MTMR14: variants seen among roughly 807,000 people sequenced by gnomAD.
MTMR14 encodes myotubularin related protein 14.
A neutral mutation model predicts 86.3 loss-of-function variants in MTMR14; 48 were observed. The ratio of observed to expected loss-of-function variants is 0.56; its 90% CI spans 0.44 to 0.71. The LOEUF (loss-of-function observed/expected upper bound fraction) is 0.71. Among genes scored for constraint, MTMR14 ranks in the 30% least tolerant of loss-of-function variants. The pLI, the probability that MTMR14 is intolerant of heterozygous loss-of-function variation, is 0.00. For missense variants in MTMR14, 780 were observed against 834.6 expected, an observed-to-expected ratio of 0.93 and a Z score of 0.81; for synonymous variants, 366 against 326.1, an observed-to-expected ratio of 1.12 and a Z score of -1.32.
chr3:9,690,133 C>A lies in MTMR14; in HGVS notation c.1603C>A (p.Pro535Thr), dbSNP rs1171277331. Residue 535 changes from proline to threonine, a missense_variant, in exon 17 of 19, where the codon CCC becomes ACC. Transcript: ENST00000296003. ...GATGGGTAGCAGTCCCCTGGAGGTC[C>A]CCAAACCCAGGTGAGGAGCTCCAAA... ...FRMGSSPLEVPKPRSVDHPLP... is the reference protein window; with the variant it reads ...FRMGSSPLEVTKPRSVDHPLP... The A allele has an allele frequency of 6.2e-7, 1 of 1,613,680 alleles. No individual in the cohort carries two copies. The highest frequency in any genetic ancestry group is 8.5e-7 in the Non-Finnish European group (1 of 1,180,000).
rs763387996 is a variant in MTMR14 at position 9,684,596 on chromosome 3, C to T, written c.976C>T (p.Leu326=). The change falls in exon 11 of 19, where the codon CTG becomes TTG. Residue 326 remains leucine, a synonymous_variant. Transcript: ENST00000296003. ...SLVNSDDDSG[L]LVHCISGWDR... ...CGGTTCCTGAGTAGATGACAGCGGG[C>T]TGCTGGTACACTGTATCTCAGGCTG... 1.6e-5 allele frequency: 26 copies of T among 1,614,126 alleles called. No homozygotes were observed. The highest frequency in any genetic ancestry group is 2.1e-5 in the Non-Finnish European group (25 of 1,180,002).
rs370972230 is a variant in MTMR14 at position 9,685,265 on chromosome 3, G to A, written c.1164+18G>A. 22 of 1,613,748 alleles carry A rather than the reference G, an allele frequency of 1.4e-5. No homozygotes were observed. Among genetic ancestry groups the A allele is most frequent in the Middle Eastern group, 1.7e-4 (1 of 5,996 alleles). On this transcript the variant is annotated intron_variant, in intron 13 of 18. Coordinates refer to ENST00000296003, the MANE Select transcript of MTMR14 (RefSeq NM_001077525.3). Reference sequence around the variant, plus strand: ...GGGAGGAGGTGAGTATACCACCTACGACTTGTGGGCACAGCTCAGCACTGA... The same window carrying A: ...GGGAGGAGGTGAGTATACCACCTACAACTTGTGGGCACAGCTCAGCACTGA...
At chr3:9,681,843 G>A (rs556179265) in intron 9 of MTMR14, among the ~76,000 whole-genome samples, 17 of 152,258 alleles carry the variant, frequency 1.1e-4, no homozygotes, top group Non-Finnish European at 1.5e-4. Flanking sequence ...CAGCTCAGCC[G>A]TGTGACCTTG....
intron 1 of MTMR14, among the ~76,000 whole-genome samples, chr3:9,651,800 G>A (rs528944541): frequency 2.0e-5 from 3 of 151,630 alleles, no homozygotes; most frequent in Admixed American, 6.6e-5. Context: ...CTAGTAGCTG[G>A]GACTACAGGC....
chr3:9,700,156 C>T (rs1379313289), intron 18 of MTMR14: 1 of 152,258 alleles, frequency 6.6e-6, no homozygotes, highest in Non-Finnish European at 1.5e-5. Flanking sequence ...AGACATCCCT[C>T]TGCTCCCACA....
intron 2 of MTMR14, among the ~76,000 whole-genome samples, chr3:9,656,173 G>A (rs977045074): frequency 1.3e-5 from 2 of 151,958 alleles, no homozygotes; most frequent in African/African-American, 2.4e-5. Context: ...CCAGCCTGGC[G>A]ACAGGGTGAG....
chr3:9,654,394 G>A (rs917716444), intron 2 of MTMR14, among the ~76,000 whole-genome samples: 1 of 152,226 alleles, frequency 6.6e-6, no homozygotes, highest in Non-Finnish European at 1.5e-5. Flanking sequence ...AGAAATAAAA[G>A]CTACCATTTA....
chr3:9,670,626 T>C (rs2048515342), intron 5 of MTMR14, among the ~76,000 whole-genome samples: 1 of 151,524 alleles, frequency 6.6e-6, no homozygotes, highest in Non-Finnish European at 1.5e-5. Flanking sequence ...TGCTACATTA[T>C]GAGCAAGTCA....
chr3:9,659,987 A>G (rs1265321769), intron 2 of MTMR14, among the ~76,000 whole-genome samples: 2 of 152,222 alleles, frequency 1.3e-5, no homozygotes, highest in Non-Finnish European at 2.9e-5. Flanking sequence ...GAGGGCTGGT[A>G]TGAGCTAAGT....
At chr3:9,681,123 T>C (rs73811567) in intron 9 of MTMR14, among the ~76,000 whole-genome samples, 4,814 of 152,338 alleles carry the variant, frequency 0.032, 249 homozygotes, top group African/African-American at 0.11. Context: ...CACCCTTGTG[T>C]GCCTGGTGCC....
rs771516475 is a variant in MTMR14 at position 9,677,266 on chromosome 3, A to G, written c.752-51A>G. The stretch of plus-strand genomic sequence containing the variant: ...CTGGGTCTGGCCAGGGCTGTCTCAG[A>G]AGACTTTGGGCTGGGAAGGGAGATG... On this transcript the variant is annotated intron_variant, in intron 7 of 18. Coordinates refer to ENST00000296003, the MANE Select transcript of MTMR14 (RefSeq NM_001077525.3). This position sits in a 1 kb window ranked among gnomAD's most constrained non-coding sequence, Gnocchi z 4.2. The G allele has an allele frequency of 6.4e-7, 1 of 1,571,258 alleles. No individual in the cohort carries two copies. The highest frequency in any genetic ancestry group is 1.3e-5 in the African/African-American group (1 of 74,182).
rs370406436 is a variant in MTMR14, at chr3:9,690,064, T to G, written c.1534T>G (p.Ser512Ala). The G allele has an allele frequency of 6.2e-7, 1 of 1,613,140 alleles. No individual in the cohort carries two copies. The highest frequency in any genetic ancestry group is 8.5e-7 in the Non-Finnish European group (1 of 1,179,996). Residue 512 changes from serine to alanine, a missense_variant, in exon 17 of 19, where the codon TCT becomes GCT. Physicochemically the swap from Ser to Ala is moderately conservative, Grantham distance 99. Transcript: ENST00000296003. ...PSQQGLAEAR[S>A]SSSSSSNHSD... ...CCAGCAGGGGCTGGCGGAAGCCAGG[T>G]CTTCCAGCTCCTCTTCCTCAAACCA...
rs147503478 is a variant in MTMR14 at position 9,680,654 on chromosome 3, G to A, written c.898-2524G>A. 1.3e-4 allele frequency among the ~76,000 whole-genome samples: 20 copies of A among 152,260 alleles called. No individual in the cohort carries two copies. In the South Asian group the frequency reaches 3.9e-3, roughly 30 times the overall value. Reference sequence around the variant, plus strand: ...AGGGCAGGAGATCGAGACCATCGTGGCTAACACAGTGAAACCCAATCTCTA... The same window carrying A: ...AGGGCAGGAGATCGAGACCATCGTGACTAACACAGTGAAACCCAATCTCTA... On this transcript the variant is annotated intron_variant, in intron 9 of 18. Coordinates refer to ENST00000296003, the MANE Select transcript of MTMR14 (RefSeq NM_001077525.3).
Position 9,677,423 on chromosome 3 carries a change from T to G in MTMR14, c.822+36T>G. 1 of 1,589,584 alleles carries G rather than the reference T, an allele frequency of 6.3e-7. No individual in the cohort carries two copies. The highest frequency in any genetic ancestry group is 8.6e-7 in the Non-Finnish European group (1 of 1,157,814). On this transcript the variant is annotated intron_variant, in intron 8 of 18. Coordinates refer to ENST00000296003, the MANE Select transcript of MTMR14 (RefSeq NM_001077525.3). The surrounding 1 kb of genome is among the most constrained non-coding windows in gnomAD (Gnocchi z 4.2). ...TAACATACATCAAATTGGATCTATG[T>G]CTCTTTGTAAAGGGAGGCCAAGGAG... is the stretch of plus-strand genomic sequence containing the variant.
intron 4 of MTMR14, 49 bp from the exon 5 acceptor site, chr3:9,669,383 G>T: frequency 6.2e-7 from 1 of 1,600,442 alleles, no homozygotes; most frequent in Non-Finnish European, 8.5e-7. Flanking sequence ...CCCCTGTGTG[G>T]AGCCCTGGGT....
intron 9 of MTMR14, among the ~76,000 whole-genome samples, chr3:9,681,183 GTGAATGAA>G (rs1043844950): frequency 6.6e-6 from 1 of 152,222 alleles, no homozygotes. Flanking sequence ...GAATGAATGA[GTGAATGAA>G]TGAATGATAG....
At chr3:9,693,829 C>T (rs1468521372) in intron 17 of MTMR14, among the ~76,000 whole-genome samples, 1 of 152,122 alleles carries the variant, frequency 6.6e-6, no homozygotes, top group Non-Finnish European at 1.5e-5. Flanking sequence ...AATCCTGGAA[C>T]CAATTCCCTG....
chr3:9,686,744 G>C (rs2075971051), intron 13 of MTMR14, among the ~76,000 whole-genome samples: 1 of 152,248 alleles, frequency 6.6e-6, no homozygotes, highest in African/African-American at 2.4e-5. Context: ...ACAGAGATAA[G>C]AAACTGACAG....
At chr3:9,684,478 GC>G in intron 10 of MTMR14, 106 bp from the exon 11 acceptor site, 1 of 1,019,506 alleles carries the variant, frequency 9.8e-7, no homozygotes. Flanking sequence ...GAAGACAGAA[GC>G]TGGTGGGGCC....
Sources: allele counts gnomAD v4.1 joint callset (sites outside exome capture counted in the v4.1 genomes callset), GRCh38; gene constraint gnomAD v4.1.1; non-coding constraint Gnocchi (gnomAD v3.1); transcripts MANE v1.5; gene names NCBI Gene and HGNC (gene_info 2026-07-23, HGNC 2026-07-21).